WWP2: variants seen among roughly 807,000 people sequenced by gnomAD.
The protein encoded by WWP2 is WW domain containing E3 ubiquitin protein ligase 2.
In WWP2, 57 loss-of-function variants were observed where a neutral mutation model predicts 121.0. That is an observed-to-expected ratio of 0.47 (90% CI 0.38 to 0.59). WWP2 has a LOEUF of 0.59. Ranked by LOEUF, WWP2 falls within the 20% of genes least tolerant of loss-of-function variation. The probability of loss-of-function intolerance (pLI) is 0.00; values close to 1 mark genes in which losing one functional copy is unlikely to be tolerated. For synonymous variants in WWP2, 449 were observed against 441.3 expected, an observed-to-expected ratio of 1.02 and a Z score of -0.22; for missense variants, 962 against 1,158.9, an observed-to-expected ratio of 0.83 and a Z score of 2.47.
At chr16:69,780,699 G>A (rs2055645327) in intron 1 of WWP2, among the ~76,000 whole-genome samples, 1 of 152,168 alleles carries the variant, frequency 6.6e-6, no homozygotes, top group Admixed American at 6.6e-5. Context: ...TTTAGTCTAA[G>A]TGAGTCAAAA....
At position 69,773,885 on chromosome 16, in the gene WWP2, T is replaced by G. The variant is rs181092600; in HGVS notation, c.-16+11494T>G. Among the ~76,000 whole-genome samples, 295 of 152,352 alleles carry G rather than the reference T, an allele frequency of 1.9e-3. 2 individuals are homozygous for G. Among genetic ancestry groups the G allele is most frequent in the African/African-American group, 6.7e-3 (278 of 41,600 alleles). On this transcript the variant is annotated intron_variant, in intron 1 of 23. Transcript: ENST00000359154. ...AAGCACTCCTTTTAGTGCAGTCACATTAGTTGAGGTTTCAACAAATTCATT... is the reference window on the plus strand; with the variant it reads ...AAGCACTCCTTTTAGTGCAGTCACAGTAGTTGAGGTTTCAACAAATTCATT...
At chr16:69,791,009 T>C (rs920135410) in intron 2 of WWP2, among the ~76,000 whole-genome samples, 13 of 152,340 alleles carry the variant, frequency 8.5e-5, no homozygotes, top group Admixed American at 8.5e-4. Context: ...TTATATTTCT[T>C]GGAGTCTTTT....
intron 7 of WWP2, among the ~76,000 whole-genome samples, chr16:69,879,882 A>G (rs1260883630): frequency 2.0e-5 from 3 of 152,202 alleles, no homozygotes; most frequent in African/African-American, 7.2e-5. Context: ...TGAGTATTGC[A>G]GAAAAGGATT....
intron 15 of WWP2, 60 bp from the exon 16 acceptor site, chr16:69,931,742 C>G (rs2058717505): frequency 2.5e-6 from 4 of 1,594,046 alleles, no homozygotes; most frequent in Non-Finnish European, 3.4e-6. Context: ...CCTGTCCCTC[C>G]CGCCCCTGCC....
At chr16:69,820,978 C>T (rs1049161269) in intron 4 of WWP2, among the ~76,000 whole-genome samples, 28 of 152,254 alleles carry the variant, frequency 1.8e-4, no homozygotes, top group African/African-American at 3.6e-4. Flanking sequence ...CAGTGTGGTG[C>T]GTGCTGCCCA....
intron 1 of WWP2, among the ~76,000 whole-genome samples, chr16:69,784,319 C>T (rs993178483): frequency 1.3e-5 from 2 of 151,972 alleles, no homozygotes; most frequent in East Asian, 1.9e-4. Context: ...AGGCTGGTCT[C>T]GAACTCCTGA....
intron 4 of WWP2, chr16:69,839,000 G>A: frequency 3.4e-6 from 1 of 292,242 alleles, no homozygotes; most frequent in Non-Finnish European, 4.9e-6. Flanking sequence ...TTTTTTGGGG[G>A]GGTGGGGGAA....
chr16:69,925,438 T>C lies in WWP2; in HGVS notation c.1188T>C (p.Ser396=). 1 of 1,614,126 alleles carries C rather than the reference T, an allele frequency of 6.2e-7. No individual in the cohort carries two copies. The highest frequency in any genetic ancestry group is 8.5e-7 in the Non-Finnish European group (1 of 1,179,986). The change falls in exon 11 of 24, where the codon AGT becomes AGC. Residue 396 remains serine, a synonymous_variant. Coordinates refer to ENST00000359154, the MANE Select transcript of WWP2 (RefSeq NM_001270454.2). The surrounding 1 kb of genome is among the most constrained non-coding windows in gnomAD (Gnocchi z 4.0). ...FSQRFLYQSS[S]ASTDHDPLGP... is the part of the protein sequence containing the mutation. ...GTGTTTCTTGTGTTTAGTCTTCGAG[T>C]GCTTCGACTGACCATGATCCCCTGG...
intron 1 of WWP2, chr16:69,774,796 C>T (rs908983088): frequency 4.0e-5 from 6 of 151,870 alleles, no homozygotes; most frequent in African/African-American, 1.2e-4. Context: ...TTGGTAAAAT[C>T]CTATCTCTAC....
chr16:69,842,123 A>T lies in WWP2; in HGVS notation c.575+3A>T, dbSNP rs2056989917. ...AACTGCTTTGGTGGAAGATCCCGGT[A>T]AGACCCCCCTTGGTGAGGACAAAGA... is the stretch of plus-strand genomic sequence containing the variant. On this transcript the variant is annotated splice_donor_region_variant and intron_variant, in intron 6 of 23. Transcript: ENST00000359154. 1 of 1,611,808 alleles carries T rather than the reference A, an allele frequency of 6.2e-7. No individual in the cohort carries two copies. The highest frequency in any genetic ancestry group is 1.1e-5 in the South Asian group (1 of 90,646).
chr16:69,926,703 G>A (rs1217136145), intron 11 of WWP2, among the ~76,000 whole-genome samples: 9 of 152,142 alleles, frequency 5.9e-5, no homozygotes, highest in Non-Finnish European at 1.2e-4. Context: ...TGTTCAGCTT[G>A]GGGATCCCTT....
At chr16:69,828,025 T>A in intron 4 of WWP2, 1 of 413,272 alleles carries the variant, frequency 2.4e-6, no homozygotes, top group South Asian at 1.8e-5. Context: ...GTTACGTGGG[T>A]GACTGTAATG....
chr16:69,788,930 A>G (rs1175288137), intron 2 of WWP2, among the ~76,000 whole-genome samples: 2 of 152,192 alleles, frequency 1.3e-5, no homozygotes, highest in East Asian at 3.8e-4. Context: ...ATCTGAGCTC[A>G]GACCCCTCAG....
intron 4 of WWP2, among the ~76,000 whole-genome samples, chr16:69,818,083 C>G: frequency 6.6e-6 from 1 of 152,146 alleles, no homozygotes; most frequent in Admixed American, 6.6e-5. Context: ...CCTGTATCTC[C>G]AACAGCACTG....
intron 6 of WWP2, among the ~76,000 whole-genome samples, chr16:69,858,861 TTGAG>T (rs2057366746): frequency 6.6e-6 from 1 of 152,170 alleles, no homozygotes; most frequent in Admixed American, 6.5e-5. Flanking sequence ...AATCTTAGGA[TTGAG>T]TGTCTCCTTG....
At chr16:69,883,626 G>T (rs2057869936) in intron 7 of WWP2, among the ~76,000 whole-genome samples, 1 of 152,126 alleles carries the variant, frequency 6.6e-6, no homozygotes, top group Non-Finnish European at 1.5e-5. Flanking sequence ...TGTTACATCG[G>T]TTAAACATGC....
chr16:69,915,612 A>G (rs1486767888), intron 9 of WWP2, among the ~76,000 whole-genome samples: 2 of 152,230 alleles, frequency 1.3e-5, no homozygotes, highest in Admixed American at 6.5e-5. Flanking sequence ...AGATGTACAC[A>G]TATACTAGTA....
At chr16:69,851,915 G>C (rs1324152682) in intron 6 of WWP2, among the ~76,000 whole-genome samples, 1 of 152,118 alleles carries the variant, frequency 6.6e-6, no homozygotes, top group Non-Finnish European at 1.5e-5. Flanking sequence ...TCTGGGGGGT[G>C]GAGTTTGCAG....
chr16:69,928,158 C>T (rs2058665653), intron 11 of WWP2, among the ~76,000 whole-genome samples: 1 of 152,060 alleles, frequency 6.6e-6, no homozygotes. Flanking sequence ...TGTTGCACTT[C>T]CCTGTTCTGC....
Sources: gnomAD v4.1 joint callset for allele counts (sites outside exome capture counted in the v4.1 genomes callset) on GRCh38, gnomAD v4.1.1 for gene constraint, Gnocchi (gnomAD v3.1) non-coding constraint, MANE v1.5 for transcripts, NCBI Gene and HGNC (gene_info 2026-07-23, HGNC 2026-07-21) for gene names.